The following PARP8 variants were observed in gnomAD, a reference collection of about 807,000 sequenced individuals.
The protein encoded by PARP8 is protein mono-ADP-ribosyltransferase PARP8.
PARP8 carries 51 observed loss-of-function variants against 124.1 expected under a neutral mutation model. That is an observed-to-expected ratio of 0.41 (90% CI 0.33 to 0.52). The LOEUF (loss-of-function observed/expected upper bound fraction) is 0.52. PARP8 is among the 20% of genes least tolerant of loss of function. The probability of loss-of-function intolerance (pLI) is 0.21; values close to 1 mark genes in which losing one functional copy is unlikely to be tolerated. For missense variants in PARP8, 860 were observed against 1,018.9 expected (o/e 0.84, Z 2.12); for synonymous variants, 391 against 361.5 (o/e 1.08, Z -0.93).
chr5:50,794,798 C>A, intron 11 of PARP8, 55 bp from the exon 12 acceptor site: 1 of 1,458,766 alleles, frequency 6.9e-7, no homozygotes, highest in Non-Finnish European at 9.4e-7. Context: ...AAGCTTTCTT[C>A]ATGGTCTGAT....
In PARP8 at chr5:50,843,392, A is replaced by G. The variant is rs1485437758; in HGVS notation, c.*1324A>G. 1.3e-5 allele frequency: 2 copies of G among 151,932 alleles called. No individual in the cohort carries two copies. Among genetic ancestry groups the G allele is most frequent in the Non-Finnish European group, 2.9e-5 (2 of 67,840 alleles). 9.4% of individuals were successfully genotyped at this position (151,932 alleles called of 1,614,324 possible). On this transcript the variant is annotated 3_prime_UTR_variant, in exon 26 of 26. Coordinates refer to ENST00000281631, the MANE Select transcript of PARP8 (RefSeq NM_024615.4). ...TTTATGTAAAAAAAAATAAAAATGT[A>G]TAGTCATTTGCAAGTATAATGTGAT...
intron 14 of PARP8, among the ~76,000 whole-genome samples, chr5:50,814,289 A>G (rs1246134604): frequency 6.6e-6 from 1 of 152,172 alleles, no homozygotes; most frequent in Non-Finnish European, 1.5e-5. Flanking sequence ...ATAGATACAC[A>G]AAAAAATTGG....
At chr5:50,781,170 A>C (rs548813407) in intron 9 of PARP8, among the ~76,000 whole-genome samples, 3 of 152,106 alleles carry the variant, frequency 2.0e-5, no homozygotes, top group Non-Finnish European at 4.4e-5. Context: ...CTTCTGCTCC[A>C]CTGAGTGAAT....
At chr5:50,755,650 A>T (rs190746) in intron 3 of PARP8, among the ~76,000 whole-genome samples, 1 of 152,110 alleles carries the variant, frequency 6.6e-6, no homozygotes, top group African/African-American at 2.4e-5. Flanking sequence ...CTTCGGATTG[A>T]CTTGGCAATG....
At chr5:50,671,101 G>C (rs1290339746) in intron 2 of PARP8, among the ~76,000 whole-genome samples, 1 of 152,194 alleles carries the variant, frequency 6.6e-6, no homozygotes, top group Non-Finnish European at 1.5e-5. Context: ...ATAAAGCAGA[G>C]GCTTCAATTG....
intron 21 of PARP8, among the ~76,000 whole-genome samples, chr5:50,828,615 C>A (rs565131671): frequency 5.3e-5 from 8 of 152,092 alleles, no homozygotes; most frequent in Non-Finnish European, 1.2e-4. Flanking sequence ...TGCAGTGGCT[C>A]ACACCTGTAA....
chr5:50,789,801 C>A (rs1580349322), intron 10 of PARP8, among the ~76,000 whole-genome samples: 1 of 152,062 alleles, frequency 6.6e-6, no homozygotes, highest in African/African-American at 2.4e-5. Flanking sequence ...ATGCTTAAAG[C>A]CTGGTTTAGG....
chr5:50,776,115 A>G (rs1163292139), intron 7 of PARP8, among the ~76,000 whole-genome samples: 1 of 152,220 alleles, frequency 6.6e-6, no homozygotes, highest in Non-Finnish European at 1.5e-5. Context: ...GTTGAATTTT[A>G]TCAAATGCTT....
At chr5:50,698,337 C>G (rs994492682) in intron 2 of PARP8, among the ~76,000 whole-genome samples, 14 of 152,140 alleles carry the variant, frequency 9.2e-5, no homozygotes, top group African/African-American at 3.4e-4. Flanking sequence ...TCATGTTAAT[C>G]TAAAGCATTC....
At position 50,667,799 on chromosome 5, in the gene PARP8, G is replaced by A. The variant is rs540887131; in HGVS notation, c.92-272G>A. ...ATTTTGCTTTCGCTACCGCGAGCCC[G>A]GCTGAGGCTGCTTCCGGCCTCCCCT... On this transcript the variant is annotated intron_variant, in intron 1 of 25. Coordinates refer to ENST00000281631, the MANE Select transcript of PARP8 (RefSeq NM_024615.4). The A allele has an allele frequency of 1.0e-5, 10 of 971,370 alleles. No homozygotes were observed. In the East Asian group the frequency reaches 2.3e-4, roughly 23 times the overall value. 60.2% of individuals were successfully genotyped at this position (971,370 alleles called of 1,614,324 possible).
chr5:50,798,347 C>T lies in PARP8; in HGVS notation c.1575+1114C>T, dbSNP rs1215397799. On this transcript the variant is annotated intron_variant, in intron 14 of 25. Transcript: ENST00000281631. The stretch of plus-strand genomic sequence containing the variant: ...ATACAGTCTCTATACATCTTCCCCA[C>T]GTATTATTCTCTATTTATTATTATT... 3.3e-5 allele frequency among the ~76,000 whole-genome samples: 5 copies of T among 151,846 alleles called. No homozygotes were observed. In the East Asian group the frequency reaches 5.8e-4, roughly 18 times the overall value.
intron 2 of PARP8, among the ~76,000 whole-genome samples, chr5:50,744,204 C>T (rs1231841800): frequency 6.6e-6 from 1 of 152,134 alleles, no homozygotes; most frequent in Non-Finnish European, 1.5e-5. Context: ...ATAGAGCTAC[C>T]ATCTTCCACT....
chr5:50,736,386 T>A (rs1421141966), intron 2 of PARP8, among the ~76,000 whole-genome samples: 2 of 152,182 alleles, frequency 1.3e-5, no homozygotes, highest in Admixed American at 1.3e-4. Flanking sequence ...ATGCTATTAC[T>A]TAACCAATGC....
intron 23 of PARP8, chr5:50,833,536 T>C (rs1321678277): frequency 3.0e-6 from 1 of 332,986 alleles, no homozygotes; most frequent in East Asian, 7.8e-5. Context: ...TCCCAGATTT[T>C]CTACATGAAA....
chr5:50,840,439 G>A (rs1405589473), intron 25 of PARP8, among the ~76,000 whole-genome samples: 2 of 151,798 alleles, frequency 1.3e-5, no homozygotes, highest in African/African-American at 4.8e-5. Context: ...AATGACTAAA[G>A]GTTTTGTGTT....
Position 50,834,947 on chromosome 5 carries a change from C to A in PARP8, c.2394C>A (p.Asp798Glu), listed in dbSNP as rs757734951. The A allele has an allele frequency of 9.7e-5, 157 of 1,613,142 alleles. 4 individuals are homozygous for A. In the South Asian group the frequency reaches 1.7e-3, roughly 17 times the overall value. The change falls in exon 25 of 26, where the codon GAC becomes GAA. Residue 798 changes from aspartate (D) to glutamate (E), a missense_variant. Transcript: ENST00000281631. ...ACTTAACAGTGATCACCTCATCTGA[C>A]CTGCACAAACATGGAGAGATATGGG... ...IALCEVITSS[D>E]LHKHGEIWVV... is the part of the protein sequence containing the mutation.
chr5:50,813,671 A>C (rs574933500), intron 14 of PARP8, among the ~76,000 whole-genome samples: 1 of 152,258 alleles, frequency 6.6e-6, no homozygotes, highest in East Asian at 1.9e-4. Context: ...GTCTTGTGCC[A>C]GTTTTCAAAG....
At chr5:50,747,212 C>T (rs1758684155) in intron 2 of PARP8, among the ~76,000 whole-genome samples, 1 of 127,624 alleles carries the variant, frequency 7.8e-6, no homozygotes, top group Admixed American at 9.3e-5. Flanking sequence ...AAGTACTGAG[C>T]AGCATGCCAG....
chr5:50,733,106 A>G (rs1442586125), intron 2 of PARP8, among the ~76,000 whole-genome samples: 2 of 151,924 alleles, frequency 1.3e-5, no homozygotes, highest in African/African-American at 4.8e-5. Context: ...GTTTGAGAAC[A>G]GTCTGGCCAA....
Sources: allele counts gnomAD v4.1 joint callset (sites outside exome capture counted in the v4.1 genomes callset), GRCh38; gene constraint gnomAD v4.1.1; transcripts MANE v1.5; gene names NCBI Gene and HGNC (gene_info 2026-07-23, HGNC 2026-07-21).